ADAM22: variants seen among roughly 807,000 people sequenced by gnomAD.
ADAM22 encodes the protein disintegrin and metalloproteinase domain-containing protein 22.
In ADAM22, 65 loss-of-function variants were observed where a neutral mutation model predicts 144.6. The ratio of observed to expected loss-of-function variants is 0.45; its 90% confidence interval spans 0.37 to 0.55. ADAM22 has a LOEUF of 0.55. Ranked by LOEUF, ADAM22 falls within the 20% of genes least tolerant of loss-of-function variation. The probability of loss-of-function intolerance (pLI) is 0.00; values close to 1 mark genes in which losing one functional copy is unlikely to be tolerated. For synonymous variants in ADAM22, 391 were observed against 412.6 expected, an observed-to-expected ratio of 0.95 and a Z score of 0.63; for missense variants, 974 against 1,184.9, an observed-to-expected ratio of 0.82 and a Z score of 2.61.
intron 3 of ADAM22, among the ~76,000 whole-genome samples, chr7:88,057,834 T>C (rs1466646407): frequency 3.3e-5 from 5 of 152,208 alleles, no homozygotes; most frequent in African/African-American, 9.6e-5. Flanking sequence ...AAGGACTTAC[T>C]GCTGGAGTCT....
intron 17 of ADAM22, 105 bp downstream of exon 17, chr7:88,145,612 T>TAAA (rs1411223624): frequency 1.1e-6 from 1 of 874,958 alleles, no homozygotes; most frequent in East Asian, 2.7e-5. Flanking sequence ...ATCTAACATA[T>TAAA]ATTAAATGAG....
rs1554432334 is a variant in ADAM22 at position 88,053,634 on chromosome 7, AAGAAAGAAAG to A, written c.324-21990_324-21981del. On this transcript the variant is annotated intron_variant, in intron 3 of 31. Coordinates refer to ENST00000413139, the MANE Select transcript of ADAM22 (RefSeq NM_001324418.2). ...AAAGAAAGAAAGAAAGAAAGAAAGA[AAGAAAGAAAG>A]AAAGAAACCAAGTAAAAAAGATATC... Among the ~76,000 whole-genome samples, 5 of 96,672 alleles carry A rather than the reference AAGAAAGAAAG, an allele frequency of 5.2e-5. No homozygotes were observed. The South Asian group carries it at 2.0e-3, about 39-fold the overall frequency. 63.4% of individuals were successfully genotyped at this position (96,672 alleles called of 152,430 possible). A position where few individuals can be genotyped will look rare whatever the true frequency, so the allele number is the denominator to read the frequency against.
At chr7:88,180,762 T>C (rs1846806313) in intron 27 of ADAM22, among the ~76,000 whole-genome samples, 1 of 152,094 alleles carries the variant, frequency 6.6e-6, no homozygotes, top group South Asian at 2.1e-4. Context: ...TTCTCTGAAG[T>C]ATATGTAGCT....
chr7:88,093,790 C>T (rs1820560666), intron 4 of ADAM22, among the ~76,000 whole-genome samples: 1 of 152,138 alleles, frequency 6.6e-6, no homozygotes, highest in Non-Finnish European at 1.5e-5. Flanking sequence ...CTACCTGCCT[C>T]AGTCTCCCAA....
rs368174062 is a variant in ADAM22, at chr7:88,109,090, G to A, written c.473+832G>A. ...AATAGCAGTTTCAGTAAATGGAAAC[G>A]CCTGACTCCTTACACAAAGAGAAAA... On this transcript the variant is annotated intron_variant, in intron 5 of 31. Coordinates refer to ENST00000413139, the MANE Select transcript of ADAM22 (RefSeq NM_001324418.2). Among the ~76,000 whole-genome samples the A allele has an allele frequency of 1.5e-4, 23 of 152,084 alleles. No individual in the cohort carries two copies. The South Asian group carries it at 4.4e-3, about 29-fold the overall frequency.
At chr7:88,068,355 T>C (rs754744734) in intron 3 of ADAM22, among the ~76,000 whole-genome samples, 2 of 152,206 alleles carry the variant, frequency 1.3e-5, no homozygotes, top group Non-Finnish European at 2.9e-5. Flanking sequence ...GTTCTCTTCT[T>C]CTGGAGAGGT....
rs1296476598 is a variant in ADAM22, at chr7:88,163,042, A to G, written c.1938A>G (p.Val646=). Residue 646 remains valine, a synonymous_variant, in exon 23 of 32, where the codon GTA becomes GTG. Transcript: ENST00000413139. The part of the protein sequence containing the change: ...SGGHVKLEED[V]DLGYVEDGTP... ...GGCATGTTAAGCTTGAAGAAGATGT[A>G]GATCTTGGCTATGTGGAAGATGGGA... The G allele has an allele frequency of 3.1e-6, 5 of 1,610,390 alleles. No individual in the cohort carries two copies. In the Admixed American group the frequency reaches 6.7e-5, roughly 22 times the overall value.
chr7:87,944,642 G>T (rs1191181368), intron 2 of ADAM22, among the ~76,000 whole-genome samples: 1 of 152,068 alleles, frequency 6.6e-6, no homozygotes, highest in Non-Finnish European at 1.5e-5. Flanking sequence ...AAGGGTGGTG[G>T]CAGGTGAGGC....
intron 31 of ADAM22, among the ~76,000 whole-genome samples, chr7:88,194,467 GTCTCTGGGCTGTC>G (rs1014519804): frequency 2.0e-5 from 3 of 152,146 alleles, no homozygotes; most frequent in Non-Finnish European, 2.9e-5. Flanking sequence ...CACAGCCCCT[GTCTCTGGGCTGTC>G]TCTGTGGGCT....
At chr7:88,154,240 T>C (rs913586126) in intron 21 of ADAM22, among the ~76,000 whole-genome samples, 1 of 152,232 alleles carries the variant, frequency 6.6e-6, no homozygotes, top group Admixed American at 6.5e-5. Context: ...TGTCATAGTC[T>C]TGTTAACAAA....
chr7:88,153,228 A>G lies in ADAM22; in HGVS notation c.1689A>G (p.Thr563=). The G allele has an allele frequency of 1.9e-6, 3 of 1,612,854 alleles. No homozygotes were observed. Among genetic ancestry groups the G allele is most frequent in the Non-Finnish European group, 2.5e-6 (3 of 1,179,476 alleles). The change falls in exon 21 of 32, where the codon ACA becomes ACG. Residue 563 remains threonine, a synonymous_variant. Coordinates refer to ENST00000413139, the MANE Select transcript of ADAM22 (RefSeq NM_001324418.2). ...AATTTTTTTCTGCCTTAGAGGTGAC[A>G]GCATCAGACAAATATTGCTATGAGA... The part of the protein sequence containing the change: ...QCKYIWGQKV[T]ASDKYCYEKL...
At chr7:88,069,434 C>A (rs897834727) in intron 3 of ADAM22, among the ~76,000 whole-genome samples, 1 of 152,170 alleles carries the variant, frequency 6.6e-6, no homozygotes, top group Non-Finnish European at 1.5e-5. Context: ...CAGACTAAGA[C>A]ACACAATATC....
Position 88,054,641 on chromosome 7 carries a change from G to A in ADAM22, c.324-20985G>A, listed in dbSNP as rs530808970. Among the ~76,000 whole-genome samples, 12 of 105,308 alleles carry A rather than the reference G, an allele frequency of 1.1e-4. No homozygotes were observed. The South Asian group carries it at 3.7e-3, about 33-fold the overall frequency. 69.1% of individuals were successfully genotyped at this position (105,308 alleles called of 152,430 possible). On this transcript the variant is annotated intron_variant, in intron 3 of 31. Coordinates refer to ENST00000413139, the MANE Select transcript of ADAM22 (RefSeq NM_001324418.2). ...GTGTGTGTGTGTGTGTGATTCCTCTGCACACATGGTCGGTTTCCCCTGCAC... is the reference window on the plus strand; with the variant it reads ...GTGTGTGTGTGTGTGTGATTCCTCTACACACATGGTCGGTTTCCCCTGCAC...
chr7:88,013,047 A>G (rs1162983120), intron 3 of ADAM22, among the ~76,000 whole-genome samples: 1 of 152,226 alleles, frequency 6.6e-6, no homozygotes, highest in Non-Finnish European at 1.5e-5. Flanking sequence ...CAAAACTCTC[A>G]AAAGTATGGG....
intron 2 of ADAM22, among the ~76,000 whole-genome samples, chr7:87,953,601 A>C (rs1845807144): frequency 6.6e-6 from 1 of 152,192 alleles, no homozygotes; most frequent in Non-Finnish European, 1.5e-5. Flanking sequence ...TGTGGTGCTG[A>C]AAAGAATGTA....
chr7:88,010,366 T>C (rs1795075281), intron 3 of ADAM22, among the ~76,000 whole-genome samples: 1 of 152,208 alleles, frequency 6.6e-6, no homozygotes, highest in Admixed American at 6.5e-5. Context: ...GTAGAAAGAA[T>C]TTACTGGCTC....
chr7:87,951,059 G>T (rs1055659599), intron 2 of ADAM22, among the ~76,000 whole-genome samples: 4 of 152,078 alleles, frequency 2.6e-5, no homozygotes, highest in Non-Finnish European at 5.9e-5. Context: ...AGATGAGTAG[G>T]TTGCAAAAAT....
In ADAM22 at chr7:88,200,219, TGTC is replaced by T. The variant is rs1423494886; in HGVS notation, c.*3731_*3733del. 8.5e-5 allele frequency: 13 copies of T among 152,230 alleles called. No homozygotes were observed. Among genetic ancestry groups the T allele is most frequent in the African/African-American group, 3.1e-4 (13 of 41,464 alleles). The allele number at this position is 152,230 out of a possible 1,614,324, so 9.4% of individuals were successfully genotyped here. Reference sequence around the variant, plus strand: ...TTCATTTTATCCATTCATTTCCTATTGTCGTATAGTTCTAACCATATATATAGT... The same window carrying T: ...TTCATTTTATCCATTCATTTCCTATTGTATAGTTCTAACCATATATATAGT... On this transcript the variant is annotated 3_prime_UTR_variant, in exon 32 of 32. Transcript: ENST00000413139.
chr7:88,191,209 A>G (rs1339877979), intron 30 of ADAM22, among the ~76,000 whole-genome samples: 1 of 152,246 alleles, frequency 6.6e-6, no homozygotes, highest in Non-Finnish European at 1.5e-5. Flanking sequence ...GCCCATAGAA[A>G]GATATTTGAG....
Sources: gnomAD v4.1 joint callset for allele counts (sites outside exome capture counted in the v4.1 genomes callset) on GRCh38, gnomAD v4.1.1 for gene constraint, MANE v1.5 for transcripts, NCBI Gene and HGNC (gene_info 2026-07-23, HGNC 2026-07-21) for gene names.